Variants in ADCYAP1R1 observed in about 807,000 individuals in gnomAD.
ADCYAP1R1 encodes ADCYAP receptor type I.
A neutral mutation model predicts 67.6 loss-of-function variants in ADCYAP1R1; 44 were observed. The ratio of observed to expected loss-of-function variants is 0.65; its 90% CI spans 0.51 to 0.84. The LOEUF (loss-of-function observed/expected upper bound fraction) is 0.84. Ranked by LOEUF, ADCYAP1R1 falls within the 40% of genes least tolerant of loss-of-function variation. ADCYAP1R1 has a pLI of 0.00. For synonymous variants in ADCYAP1R1, 222 were observed against 219.6 expected, an observed-to-expected ratio of 1.01 and a Z score of -0.10; for missense variants, 477 against 587.9, an observed-to-expected ratio of 0.81 and a Z score of 1.95.
At chr7:31,100,686 C>G (rs1157977124) in intron 13 of ADCYAP1R1, among the ~76,000 whole-genome samples, 1 of 152,198 alleles carries the variant, frequency 6.6e-6, no homozygotes, top group African/African-American at 2.4e-5. Flanking sequence ...GAGCTGGGTC[C>G]TGGTATCATC....
chr7:31,076,553 G>A (rs12668955), intron 3 of ADCYAP1R1, among the ~76,000 whole-genome samples: 68,760 of 152,058 alleles, frequency 0.45, 16,145 homozygotes, highest in Admixed American at 0.57. Flanking sequence ...ACACCTCTCA[G>A]TTCGTCTGTC....
intron 3 of ADCYAP1R1, among the ~76,000 whole-genome samples, chr7:31,076,381 G>A (rs998478896): frequency 1.3e-5 from 2 of 152,184 alleles, no homozygotes; most frequent in African/African-American, 4.8e-5. Context: ...CAGGCAGTGC[G>A]GGGAACTCTA....
chr7:31,064,474 A>T (rs1794646560), intron 2 of ADCYAP1R1, among the ~76,000 whole-genome samples: 1 of 152,192 alleles, frequency 6.6e-6, no homozygotes, highest in African/African-American at 2.4e-5. Context: ...TAAAAATAGT[A>T]CTTCATAGTA....
intron 12 of ADCYAP1R1, among the ~76,000 whole-genome samples, chr7:31,090,283 T>G (rs1795912762): frequency 6.6e-6 from 1 of 152,244 alleles, no homozygotes; most frequent in South Asian, 2.1e-4. Flanking sequence ...AAATATTGTG[T>G]ATGTCTATTG....
At chr7:31,075,831 G>C (rs886817049) in intron 3 of ADCYAP1R1, among the ~76,000 whole-genome samples, 4 of 152,152 alleles carry the variant, frequency 2.6e-5, no homozygotes, top group Non-Finnish European at 5.9e-5. Flanking sequence ...GAGGGGTCCT[G>C]AGCCTCTTCA....
chr7:31,084,264 C>T lies in ADCYAP1R1; in HGVS notation c.438+14C>T, dbSNP rs1040092724. ...ACTGGGGACCAGGTGAGTGTCTGCA[C>T]CCTGCTCCCCAGAGGTGGTGAGGGT... On this transcript the variant is annotated intron_variant, in intron 7 of 15. Coordinates refer to ENST00000304166, the MANE Select transcript of ADCYAP1R1 (RefSeq NM_001118.5). 4.4e-6 allele frequency: 7 copies of T among 1,606,148 alleles called. No homozygotes were observed. In the African/African-American group the frequency reaches 8.0e-5, roughly 18 times the overall value.
At chr7:31,089,025 A>T (rs1324184296) in intron 12 of ADCYAP1R1, among the ~76,000 whole-genome samples, 1 of 152,024 alleles carries the variant, frequency 6.6e-6, no homozygotes, top group East Asian at 1.9e-4. Flanking sequence ...TTTCTTATAG[A>T]GTCATTTTGG....
chr7:31,056,076 CACGGAAA>C (rs1794228196), intron 1 of ADCYAP1R1, among the ~76,000 whole-genome samples: 1 of 152,198 alleles, frequency 6.6e-6, no homozygotes, highest in African/African-American at 2.4e-5. Context: ...GGGGAAGCCA[CACGGAAA>C]CCTGGGCATG....
At chr7:31,085,043 G>A (rs1418407351) in intron 8 of ADCYAP1R1, among the ~76,000 whole-genome samples, 2 of 152,226 alleles carry the variant, frequency 1.3e-5, no homozygotes, top group African/African-American at 4.8e-5. Context: ...AGCCTGGGCA[G>A]GAGATCTGCA....
At chr7:31,079,164 C>T (rs1584507033) in intron 4 of ADCYAP1R1, among the ~76,000 whole-genome samples, 1 of 152,338 alleles carries the variant, frequency 6.6e-6, no homozygotes, top group East Asian at 1.9e-4. Flanking sequence ...CTGTAGATGA[C>T]TTCTTTGGAT....
rs771256916 is a variant in ADCYAP1R1 at position 31,103,370 on chromosome 7, G to A, written c.1176+4G>A. 4 of 1,614,064 alleles carry A rather than the reference G, an allele frequency of 2.5e-6. No homozygotes were observed. The highest frequency in any genetic ancestry group is 2.2e-5 in the South Asian group (2 of 91,070). ...GCTGGGGCTGGGCTCCTTCCAGGTA[G>A]GTGTGGCACATGGGGAGGACAGAAC... On this transcript the variant is annotated splice_donor_region_variant and intron_variant, in intron 14 of 15. Transcript: ENST00000304166.
In ADCYAP1R1 at chr7:31,108,568, G is replaced by C. The variant is rs1481698381; in HGVS notation, c.*1884G>C. ...CTAGACTCTATCCCAGTTGGGTTCAGACTGCTGTGACTGTGGACACGATGC... is the reference window on the plus strand; with the variant it reads ...CTAGACTCTATCCCAGTTGGGTTCACACTGCTGTGACTGTGGACACGATGC... On this transcript the variant is annotated 3_prime_UTR_variant, in exon 16 of 16. Coordinates refer to ENST00000304166, the MANE Select transcript of ADCYAP1R1 (RefSeq NM_001118.5). 6.6e-6 allele frequency: 1 copy of C among 152,294 alleles called. No homozygotes were observed. Among genetic ancestry groups the C allele is most frequent in the African/African-American group, 2.4e-5 (1 of 41,466 alleles). 9.4% of individuals were successfully genotyped at this position (152,294 alleles called of 1,614,324 possible). A position where few individuals can be genotyped will look rare whatever the true frequency, so the allele number is the denominator to read the frequency against.
At chr7:31,073,497 G>A (rs1473566391) in intron 3 of ADCYAP1R1, among the ~76,000 whole-genome samples, 1 of 152,314 alleles carries the variant, frequency 6.6e-6, no homozygotes, top group African/African-American at 2.4e-5. Flanking sequence ...CTGTGTGTGA[G>A]TGGAAGGAAA....
intron 3 of ADCYAP1R1, among the ~76,000 whole-genome samples, chr7:31,066,732 G>A (rs1420251350): frequency 6.6e-6 from 1 of 152,176 alleles, no homozygotes; most frequent in Non-Finnish European, 1.5e-5. Context: ...AGCTCCCCAG[G>A]CGATTCTAAT....
intron 14 of ADCYAP1R1, among the ~76,000 whole-genome samples, chr7:31,103,591 C>T (rs1327498592): frequency 6.6e-6 from 1 of 152,220 alleles, no homozygotes; most frequent in East Asian, 1.9e-4. Flanking sequence ...GCCCCCACTC[C>T]TGGCCCCCAC....
At chr7:31,079,779 G>T (rs771355391) in intron 4 of ADCYAP1R1, among the ~76,000 whole-genome samples, 8 of 152,202 alleles carry the variant, frequency 5.3e-5, no homozygotes, top group Non-Finnish European at 1.2e-4. Flanking sequence ...CCCGGGAGGA[G>T]GGTGGCATTG....
chr7:31,084,090 A>G (rs1384594050), intron 6 of ADCYAP1R1, 51 bp from the exon 7 acceptor site: 1 of 1,503,094 alleles, frequency 6.7e-7, no homozygotes, highest in Non-Finnish European at 9.2e-7. Flanking sequence ...TAAGAATTTC[A>G]GGGCCCTCTT....
At chr7:31,053,750 C>G (rs1443685876) in intron 1 of ADCYAP1R1, among the ~76,000 whole-genome samples, 1 of 152,218 alleles carries the variant, frequency 6.6e-6, no homozygotes, top group Non-Finnish European at 1.5e-5. Flanking sequence ...CTCTCCAAGA[C>G]ACAGCATTTG....
chr7:31,073,766 G>A (rs1204568337), intron 3 of ADCYAP1R1, among the ~76,000 whole-genome samples: 1 of 152,150 alleles, frequency 6.6e-6, no homozygotes, highest in Non-Finnish European at 1.5e-5. Context: ...TGAGTCTCTT[G>A]AGACCCCAGC....
Sources: gnomAD v4.1 joint callset for allele counts (sites outside exome capture counted in the v4.1 genomes callset) on GRCh38, gnomAD v4.1.1 for gene constraint, MANE v1.5 for transcripts, NCBI Gene and HGNC (gene_info 2026-07-23, HGNC 2026-07-21) for gene names.